Variants in UNC5D observed in about 807,000 individuals in gnomAD.
UNC5D encodes netrin receptor UNC5D.
In UNC5D, 39 loss-of-function variants were observed where a neutral mutation model predicts 105.4. The ratio of observed to expected loss-of-function variants is 0.37; its 90% CI spans 0.29 to 0.48. UNC5D has a LOEUF of 0.48. UNC5D is among the 20% of genes least tolerant of loss of function. The pLI, the probability that UNC5D is intolerant of heterozygous loss-of-function variation, is 0.98. For missense variants in UNC5D, 991 were observed against 1,202.4 expected (o/e 0.82, Z 2.60); for synonymous variants, 452 against 450.4 (o/e 1.00, Z -0.04).
chr8:35,491,184 G>A (rs1811194695), intron 1 of UNC5D, among the ~76,000 whole-genome samples: 1 of 151,968 alleles, frequency 6.6e-6, no homozygotes, highest in Non-Finnish European at 1.5e-5. Flanking sequence ...AAGTGGAATA[G>A]GTATCAAAAA....
intron 4 of UNC5D, among the ~76,000 whole-genome samples, chr8:35,627,755 C>T (rs190095105): frequency 1.8e-3 from 269 of 152,180 alleles, no homozygotes; most frequent in Middle Eastern, 6.8e-3. Context: ...ATATTAGACC[C>T]CTGTCTCTCC....
chr8:35,523,842 AC>A (rs1267721781), intron 1 of UNC5D, among the ~76,000 whole-genome samples: 8 of 64,100 alleles, frequency 1.2e-4, no homozygotes, highest in African/African-American at 5.1e-4. Context: ...ATGGTGGCAT[AC>A]TCTGCCCCAG....
At chr8:35,780,590 A>T (rs1251965347) in intron 16 of UNC5D, among the ~76,000 whole-genome samples, 4 of 152,182 alleles carry the variant, frequency 2.6e-5, no homozygotes, top group Non-Finnish European at 5.9e-5. Flanking sequence ...GGGGAAAAAA[A>T]AGAGGGAAGA....
At chr8:35,450,055 T>C (rs1448270048) in intron 1 of UNC5D, among the ~76,000 whole-genome samples, 1 of 152,210 alleles carries the variant, frequency 6.6e-6, no homozygotes, top group Non-Finnish European at 1.5e-5. Context: ...TGTATTATTC[T>C]GGAACTATTC....
chr8:35,631,126 A>G, intron 4 of UNC5D, among the ~76,000 whole-genome samples: 1 of 152,196 alleles, frequency 6.6e-6, no homozygotes, highest in East Asian at 1.9e-4. Flanking sequence ...GAGCCTGGGC[A>G]ACACGGTGAA....
intron 4 of UNC5D, among the ~76,000 whole-genome samples, chr8:35,662,147 A>G (rs1260074980): frequency 6.7e-6 from 1 of 150,224 alleles, no homozygotes; most frequent in Non-Finnish European, 1.5e-5. Flanking sequence ...TGTATCTCTT[A>G]CGTTTAGTAG....
chr8:35,543,258 G>GA (rs1242787035), intron 1 of UNC5D, among the ~76,000 whole-genome samples: 7 of 151,914 alleles, frequency 4.6e-5, no homozygotes, highest in Non-Finnish European at 2.9e-5. Flanking sequence ...CAGAAAAGGA[G>GA]AAAAAAAGTG....
chr8:35,462,014 G>A (rs1449666555), intron 1 of UNC5D, among the ~76,000 whole-genome samples: 1 of 152,038 alleles, frequency 6.6e-6, no homozygotes, highest in African/African-American at 2.4e-5. Context: ...AAAGTTTCAT[G>A]GTATCTGTGA....
At chr8:35,510,454 T>C (rs1015502097) in intron 1 of UNC5D, among the ~76,000 whole-genome samples, 2 of 152,202 alleles carry the variant, frequency 1.3e-5, no homozygotes, top group Non-Finnish European at 2.9e-5. Context: ...TATCAGTTGT[T>C]GCATGTGTTT....
At chr8:35,409,069 A>T (rs1422409148) in intron 1 of UNC5D, among the ~76,000 whole-genome samples, 2 of 152,042 alleles carry the variant, frequency 1.3e-5, no homozygotes, top group Admixed American at 1.3e-4. Flanking sequence ...CTTAATGCTT[A>T]TGTGTATCAT....
At chr8:35,779,003 G>A (rs1802383241) in intron 16 of UNC5D, among the ~76,000 whole-genome samples, 1 of 152,196 alleles carries the variant, frequency 6.6e-6, no homozygotes, top group Non-Finnish European at 1.5e-5. Flanking sequence ...CGCTAAATAA[G>A]CTACACAGCC....
At chr8:35,441,304 G>T (rs953656747) in intron 1 of UNC5D, among the ~76,000 whole-genome samples, 1 of 151,884 alleles carries the variant, frequency 6.6e-6, no homozygotes. Flanking sequence ...TTTTGAGAGA[G>T]AAATAACTTT....
chr8:35,686,557 G>T lies in UNC5D; in HGVS notation c.932G>T (p.Trp311Leu), dbSNP rs1165916595. 1.3e-6 allele frequency: 2 copies of T among 1,581,766 alleles called. No individual in the cohort carries two copies. ...CTSLCPVDGSWEVWSEWSVCS... is the reference protein window; with the variant it reads ...CTSLCPVDGSLEVWSEWSVCS... ...TTTCCCTTTGAAGTGGATGGGAGCTGGGAAGTGTGGAGCGAATGGTCCGTC... is the reference window on the plus strand; with the variant it reads ...TTTCCCTTTGAAGTGGATGGGAGCTTGGAAGTGTGGAGCGAATGGTCCGTC... The change falls in exon 7 of 17, where the codon TGG becomes TTG. Residue 311 changes from tryptophan (W) to leucine (L), a missense_variant. By Grantham distance (61) the Trp-to-Leu change is moderately conservative. This residue lies in a region of UNC5D where 944 missense variants were observed against 1,131.6 expected (regional missense o/e 0.83). Coordinates refer to ENST00000404895, the MANE Select transcript of UNC5D (RefSeq NM_080872.4).
intron 1 of UNC5D, among the ~76,000 whole-genome samples, chr8:35,495,834 T>A (rs1028449655): frequency 1.3e-5 from 2 of 152,176 alleles, no homozygotes; most frequent in Non-Finnish European, 2.9e-5. Flanking sequence ...ATAAAAGGTG[T>A]TAATATCTAA....
intron 3 of UNC5D, among the ~76,000 whole-genome samples, chr8:35,580,682 C>T (rs2589352): frequency 0.1 from 15,902 of 152,022 alleles, 890 homozygotes; most frequent in African/African-American, 0.14. Flanking sequence ...TTACATTTGA[C>T]GTGAAGGGCT....
chr8:35,269,255 C>T (rs530120975), intron 1 of UNC5D, among the ~76,000 whole-genome samples: 5 of 152,310 alleles, frequency 3.3e-5, no homozygotes, highest in African/African-American at 4.8e-5. Context: ...TAGCCCTAGT[C>T]CACAGTCATC....
At chr8:35,390,036 T>G (rs1803672857) in intron 1 of UNC5D, among the ~76,000 whole-genome samples, 1 of 152,242 alleles carries the variant, frequency 6.6e-6, no homozygotes, top group African/African-American at 2.4e-5. Flanking sequence ...GGAAACCTGA[T>G]GCTGGCATCA....
intron 1 of UNC5D, among the ~76,000 whole-genome samples, chr8:35,432,676 G>C (rs947014746): frequency 6.6e-6 from 1 of 152,132 alleles, no homozygotes; most frequent in African/African-American, 2.4e-5. Flanking sequence ...CTGGAAAAAC[G>C]GGTCCCTCAT....
chr8:35,534,779 A>G (rs888669753), intron 1 of UNC5D, among the ~76,000 whole-genome samples: 11 of 152,028 alleles, frequency 7.2e-5, no homozygotes, highest in African/African-American at 2.4e-4. Flanking sequence ...TTGTTTTAAT[A>G]TATATTTGGG....
Sources: allele counts gnomAD v4.1 joint callset (sites outside exome capture counted in the v4.1 genomes callset), GRCh38; gene constraint gnomAD v4.1.1; regional missense constraint gnomAD v4.1.1; transcripts MANE v1.5; gene names NCBI Gene and HGNC (gene_info 2026-07-23, HGNC 2026-07-21).